The following ANKAR variants were observed in gnomAD, a reference collection of about 807,000 sequenced individuals.
ANKAR encodes ankyrin and armadillo repeat-containing protein.
ANKAR carries 136 observed loss-of-function variants against 146.2 expected under a neutral mutation model. That is an observed-to-expected ratio of 0.93 (90% CI 0.81 to 1.07). ANKAR has a LOEUF of 1.07. ANKAR is among the 50% of genes least tolerant of loss of function. The probability of loss-of-function intolerance (pLI) is 0.00; values close to 1 mark genes in which losing one functional copy is unlikely to be tolerated. For missense variants in ANKAR, 1,567 were observed against 1,679.9 expected (o/e 0.93, Z 1.18); for synonymous variants, 500 against 575.8 (o/e 0.87, Z 1.88).
At chr2:189,733,064 T>A (rs1417590319) in intron 16 of ANKAR, 43 bp from the exon 17 acceptor site, 2 of 1,568,210 alleles carry the variant, frequency 1.3e-6, no homozygotes, top group South Asian at 2.4e-5. Flanking sequence ...TGTAATTTCA[T>A]AAAGCATAAT....
intron 2 of ANKAR, 39 bp downstream of exon 2, chr2:189,677,130 T>C: frequency 7.0e-7 from 1 of 1,435,380 alleles, no homozygotes; most frequent in Non-Finnish European, 9.0e-7. Flanking sequence ...TTTTTTTTTT[T>C]TTTTGGAACA....
chr2:189,749,023 G>A (rs1293695428), downstream of ANKAR, among the ~76,000 whole-genome samples: 1 of 151,974 alleles, frequency 6.6e-6, no homozygotes, highest in Non-Finnish European at 1.5e-5. Flanking sequence ...AAGGCGGGTG[G>A]ATCACATGGT....
intron 15 of ANKAR, 105 bp downstream of exon 15, chr2:189,728,926 G>T: frequency 9.1e-7 from 1 of 1,097,776 alleles, no homozygotes. Context: ...CACTGTTTGA[G>T]CCCTAAATGG....
At chr2:189,742,865 GACACACACAC>G (rs58780931) in intron 20 of ANKAR, among the ~76,000 whole-genome samples, 1 of 42,992 alleles carries the variant, frequency 2.3e-5, no homozygotes. Context: ...AGAATTACCT[GACACACACAC>G]ACACACACAC....
chr2:189,726,355 C>T (rs918192288), intron 12 of ANKAR, among the ~76,000 whole-genome samples: 5 of 152,024 alleles, frequency 3.3e-5, no homozygotes, highest in Non-Finnish European at 5.9e-5. Flanking sequence ...CTATGTTGCC[C>T]GGGCTGATCT....
At chr2:189,731,039 C>A (rs759664871) in intron 16 of ANKAR, among the ~76,000 whole-genome samples, 1 of 152,166 alleles carries the variant, frequency 6.6e-6, no homozygotes, top group African/African-American at 2.4e-5. Context: ...CACTTCAGAC[C>A]AGCCCTGCCT....
At chr2:189,696,058 T>G in intron 6 of ANKAR, 92 bp from the exon 7 acceptor site, 1 of 1,090,648 alleles carries the variant, frequency 9.2e-7, no homozygotes, top group South Asian at 1.5e-5. Context: ...ACAGCATTCA[T>G]GTGATTCTGT....
At chr2:189,712,881 G>T (rs573215180) in intron 10 of ANKAR, among the ~76,000 whole-genome samples, 163 of 152,246 alleles carry the variant, frequency 1.1e-3, no homozygotes, top group African/African-American at 3.7e-3. Flanking sequence ...CTTGAAAAAA[G>T]ATTAAATGAA....
chr2:189,730,966 T>C (rs545626016), intron 16 of ANKAR, among the ~76,000 whole-genome samples: 6 of 152,294 alleles, frequency 3.9e-5, no homozygotes, highest in African/African-American at 1.4e-4. Context: ...TGGGCGGCGA[T>C]AGTGGGAATG....
rs1181729090 is a variant in ANKAR, at chr2:189,707,119, G to C, written c.2092G>C (p.Glu698Gln). 6.4e-7 allele frequency: 1 copy of C among 1,553,184 alleles called. No homozygotes were observed. Among genetic ancestry groups the C allele is most frequent in the South Asian group, 1.2e-5 (1 of 82,190 alleles). Residue 698 changes from glutamate to glutamine, a missense_variant, in exon 9 of 23, where the codon GAA becomes CAA. Transcript: ENST00000684021. The stretch of plus-strand genomic sequence containing the variant: ...ATATATAATAAAATTAAATATTCCT[G>C]AACTCCCAGTGTGGAAAACTTTGGT... Reference protein sequence around the residue: ...LKYIIKLNIPELPVWKTLVEM... With the variant: ...LKYIIKLNIPQLPVWKTLVEM...
intron 10 of ANKAR, among the ~76,000 whole-genome samples, chr2:189,716,678 GA>G (rs1299284931): frequency 2.0e-5 from 3 of 152,168 alleles, no homozygotes; most frequent in Non-Finnish European, 4.4e-5. Flanking sequence ...CACGCTACCT[GA>G]CTCCAAACTA....
At chr2:189,741,764 C>T (rs192406263) in intron 20 of ANKAR, among the ~76,000 whole-genome samples, 11 of 151,962 alleles carry the variant, frequency 7.2e-5, no homozygotes, top group African/African-American at 1.2e-4. Flanking sequence ...CAGTATAAAA[C>T]GACTACAATT....
rs1401460513 is a variant in ANKAR, at chr2:189,695,048, GC to G, written c.1377del (p.Ile460Ter). On this transcript the variant is annotated frameshift_variant, in exon 6 of 23. Transcript: ENST00000684021. LOFTEE classifies it high-confidence loss of function. The stretch of plus-strand genomic sequence containing the variant: ...ACTATATAAGACACAGTGGTGGGGA[GC>G]CATAAATGAAATAGTGAACAATCTG... ...QQLYKTQWWG[A>X]INEIVNNLRL... is the part of the protein sequence containing the mutation. 6.2e-7 allele frequency: 1 copy of G among 1,612,388 alleles called. No individual in the cohort carries two copies. The highest frequency in any genetic ancestry group is 1.1e-5 in the South Asian group (1 of 90,808).
chr2:189,713,480 T>C (rs1206188839), intron 10 of ANKAR, among the ~76,000 whole-genome samples: 1 of 151,806 alleles, frequency 6.6e-6, no homozygotes, highest in East Asian at 1.9e-4. Flanking sequence ...TCTTAAAGAA[T>C]TTTCAACCCA....
In ANKAR at chr2:189,728,320, A is replaced by G; in HGVS notation, c.2931A>G (p.Ala977=). The G allele has an allele frequency of 1.2e-6, 2 of 1,613,340 alleles. No homozygotes were observed. Among genetic ancestry groups the G allele is most frequent in the Non-Finnish European group, 1.7e-6 (2 of 1,179,776 alleles). The change falls in exon 14 of 23, where the codon GCA becomes GCG. Residue 977 remains alanine (A), a synonymous_variant. Coordinates refer to ENST00000684021, the MANE Select transcript of ANKAR (RefSeq NM_001378068.1). ...GAGCTGTTGCACTTTGGGCCTTGGC[A>G]GGACAAACACTAAAACAACAAAAAT... is the stretch of plus-strand genomic sequence containing the variant. The part of the protein sequence containing the change: ...EQGAVALWAL[A]GQTLKQQKYM...
intron 18 of ANKAR, 21 bp downstream of exon 18, chr2:189,737,862 C>T: frequency 2.7e-6 from 4 of 1,503,092 alleles, no homozygotes; most frequent in Non-Finnish European, 3.5e-6. Context: ...GAGATTAACA[C>T]CTCAAATTAA....
intron 2 of ANKAR, among the ~76,000 whole-genome samples, chr2:189,682,863 G>A (rs1036511272): frequency 5.9e-5 from 9 of 152,158 alleles, no homozygotes; most frequent in African/African-American, 1.7e-4. Flanking sequence ...ACACTCTGAG[G>A]AGTCATATAG....
At chr2:189,709,334 A>C (rs1316577985) in intron 9 of ANKAR, among the ~76,000 whole-genome samples, 1 of 152,226 alleles carries the variant, frequency 6.6e-6, no homozygotes, top group Non-Finnish European at 1.5e-5. Flanking sequence ...ATGTAGCAAA[A>C]CACAGCAGTG....
chr2:189,753,523 T>A (rs2243894), intron 18 of ANKAR, among the ~76,000 whole-genome samples: 149,404 of 152,234 alleles, frequency 0.98, 73,372 homozygotes, highest in East Asian at 1. Context: ...CGAAAGTTGG[T>A]ATACCACCTC....
Sources: allele counts gnomAD v4.1 joint callset (sites outside exome capture counted in the v4.1 genomes callset), GRCh38; gene constraint gnomAD v4.1.1; transcripts MANE v1.5; gene names NCBI Gene and HGNC (gene_info 2026-07-23, HGNC 2026-07-21).